Variants in SGCZ observed in about 807,000 individuals in gnomAD.
The protein encoded by SGCZ is sarcoglycan zeta, also known as zeta-sarcoglycan.
A neutral mutation model predicts 41.3 loss-of-function variants in SGCZ; 40 were observed. The observed-to-expected ratio is 0.97, with a 90% CI of 0.75 to 1.26. The LOEUF (loss-of-function observed/expected upper bound fraction) is 1.26. SGCZ is among the 50% of genes most tolerant of loss of function. SGCZ has a pLI of 0.00. For missense variants in SGCZ, 552 were observed against 369.8 expected, an observed-to-expected ratio of 1.49 and a Z score of -4.04; for synonymous variants, 206 against 137.5, an observed-to-expected ratio of 1.50 and a Z score of -3.49.
At chr8:14,375,602 A>T (rs562879842) in intron 2 of SGCZ, among the ~76,000 whole-genome samples, 58 of 152,274 alleles carry the variant, frequency 3.8e-4, no homozygotes, top group Non-Finnish European at 5.4e-4. Flanking sequence ...TGGAAATTTT[A>T]AAAAAATCCT....
At chr8:15,104,078 G>C (rs566450002) in intron 1 of SGCZ, among the ~76,000 whole-genome samples, 2 of 152,044 alleles carry the variant, frequency 1.3e-5, no homozygotes, top group African/African-American at 2.4e-5. Flanking sequence ...CCTTTCTCAC[G>C]TTTCTGTAAA....
intron 1 of SGCZ, among the ~76,000 whole-genome samples, chr8:14,765,010 A>T (rs1007685481): frequency 3.1e-4 from 47 of 152,206 alleles, no homozygotes; most frequent in African/African-American, 1.1e-3. Flanking sequence ...ATTATTTTCA[A>T]AACAAGATGG....
intron 1 of SGCZ, among the ~76,000 whole-genome samples, chr8:15,072,951 T>C (rs1163565657): frequency 2.0e-5 from 3 of 152,162 alleles, no homozygotes; most frequent in African/African-American, 4.8e-5. Flanking sequence ...GAGATGCAGC[T>C]TGTCTCATGC....
intron 2 of SGCZ, among the ~76,000 whole-genome samples, chr8:14,504,568 C>A (rs541236833): frequency 3.3e-5 from 5 of 152,040 alleles, no homozygotes; most frequent in African/African-American, 7.2e-5. Flanking sequence ...CTTTCTTCTG[C>A]GTTATTGCCT....
At chr8:14,125,797 T>C (rs958813176) in intron 5 of SGCZ, among the ~76,000 whole-genome samples, 4 of 151,966 alleles carry the variant, frequency 2.6e-5, no homozygotes, top group Non-Finnish European at 5.9e-5. Context: ...TGGAACACAA[T>C]GGAGATACCA....
intron 1 of SGCZ, among the ~76,000 whole-genome samples, chr8:15,001,101 C>G (rs1219381337): frequency 1.3e-5 from 2 of 152,180 alleles, no homozygotes; most frequent in African/African-American, 4.8e-5. Context: ...AACAACTGGC[C>G]TCTTGGAATT....
At chr8:14,464,809 T>A (rs1801004083) in intron 2 of SGCZ, among the ~76,000 whole-genome samples, 1 of 151,674 alleles carries the variant, frequency 6.6e-6, no homozygotes, top group South Asian at 2.1e-4. Flanking sequence ...CCTCTAAATA[T>A]TTTTATATCC....
chr8:14,937,328 T>C (rs1800115966), intron 1 of SGCZ, among the ~76,000 whole-genome samples: 1 of 152,010 alleles, frequency 6.6e-6, no homozygotes, highest in Non-Finnish European at 1.5e-5. Context: ...CATCAAATAG[T>C]GAATAGATGG....
chr8:14,205,297 G>A (rs185057728), intron 4 of SGCZ, among the ~76,000 whole-genome samples: 9 of 152,096 alleles, frequency 5.9e-5, no homozygotes, highest in African/African-American at 1.9e-4. Flanking sequence ...TAGTCATTAG[G>A]CAATGTTCTC....
At chr8:15,012,902 T>C (rs1025675440) in intron 1 of SGCZ, among the ~76,000 whole-genome samples, 6 of 151,564 alleles carry the variant, frequency 4.0e-5, no homozygotes, top group Non-Finnish European at 8.8e-5. Flanking sequence ...GAAGATGGTA[T>C]TTGGTTTTGT....
At chr8:14,272,456 C>T (rs769194679) in intron 3 of SGCZ, among the ~76,000 whole-genome samples, 1 of 152,142 alleles carries the variant, frequency 6.6e-6, no homozygotes, top group Non-Finnish European at 1.5e-5. Context: ...AAGTAAAAGT[C>T]CTGACTGGTA....
intron 1 of SGCZ, among the ~76,000 whole-genome samples, chr8:14,956,357 A>G (rs907338182): frequency 1.9e-4 from 29 of 152,116 alleles, no homozygotes; most frequent in African/African-American, 6.8e-4. Context: ...TTTTAATAAA[A>G]GTCCCAATAT....
intron 1 of SGCZ, among the ~76,000 whole-genome samples, chr8:14,580,580 A>T (rs1376613645): frequency 6.6e-6 from 1 of 152,202 alleles, no homozygotes; most frequent in African/African-American, 2.4e-5. Context: ...TCCCATTTTC[A>T]TGGAGAAAAT....
intron 4 of SGCZ, among the ~76,000 whole-genome samples, chr8:14,203,061 T>C (rs1805506726): frequency 6.6e-6 from 1 of 152,206 alleles, no homozygotes; most frequent in African/African-American, 2.4e-5. Flanking sequence ...CCATGTAAGA[T>C]GTGACTTGCT....
chr8:14,825,262 T>G (rs575842715), intron 1 of SGCZ, among the ~76,000 whole-genome samples: 1 of 152,304 alleles, frequency 6.6e-6, no homozygotes, highest in South Asian at 2.1e-4. Context: ...GCAAGATACA[T>G]GAAATCTCTA....
intron 5 of SGCZ, among the ~76,000 whole-genome samples, chr8:14,151,890 A>C (rs2116953425): frequency 6.6e-6 from 1 of 152,244 alleles, no homozygotes; most frequent in South Asian, 2.1e-4. Flanking sequence ...ACAACAGAAA[A>C]AAGCAAAAAG....
chr8:14,679,434 C>G (rs956713730), intron 1 of SGCZ, among the ~76,000 whole-genome samples: 1 of 151,410 alleles, frequency 6.6e-6, no homozygotes, highest in African/African-American at 2.4e-5. Flanking sequence ...ATCCTGACCC[C>G]GCATAGGCCC....
intron 2 of SGCZ, among the ~76,000 whole-genome samples, chr8:14,525,817 G>C (rs1421904096): frequency 6.6e-6 from 1 of 152,092 alleles, no homozygotes; most frequent in Non-Finnish European, 1.5e-5. Context: ...GGCACAGGAT[G>C]TAAATGAACA....
chr8:15,131,662 T>A (rs955790850), intron 1 of SGCZ, among the ~76,000 whole-genome samples: 2 of 152,228 alleles, frequency 1.3e-5, no homozygotes, highest in Non-Finnish European at 1.5e-5. Flanking sequence ...TAGCGCGGCA[T>A]CTTCTCAAGG....
Sources: allele counts gnomAD v4.1 joint callset (sites outside exome capture counted in the v4.1 genomes callset), GRCh38; gene constraint gnomAD v4.1.1; transcripts MANE v1.5; gene names NCBI Gene and HGNC (gene_info 2026-07-23, HGNC 2026-07-21).